The following GPATCH11 variants were observed in gnomAD, a reference collection of about 807,000 sequenced individuals.
GPATCH11 encodes the protein G patch domain-containing protein 11.
Under a neutral mutation model 44.8 loss-of-function variants are expected in GPATCH11, and 32 were observed. That is an observed-to-expected ratio of 0.71 (90% CI 0.54 to 0.96). GPATCH11 has a LOEUF of 0.96. GPATCH11 is among the 40% of genes least tolerant of loss of function. The pLI is 0.00. For synonymous variants in GPATCH11, 84 were observed against 94.4 expected (o/e 0.89, Z 0.64); for missense variants, 324 against 303.1 (o/e 1.07, Z -0.51).
Position 37,092,210 on chromosome 2 carries a change from T to A in GPATCH11, c.495T>A (p.Asp165Glu). 1 of 1,547,896 alleles carries A rather than the reference T, an allele frequency of 6.5e-7. No individual in the cohort carries two copies. Among genetic ancestry groups the A allele is most frequent in the South Asian group, 1.3e-5 (1 of 77,914 alleles). ...NKQDEMKLEG[D>E]LRRSQRACQQ... The stretch of plus-strand genomic sequence containing the variant: ...AAGATGAAATGAAGCTAGAAGGAGA[T>A]CTCAGAAGAAGCCAGCGAGCCTGTC... The change falls in exon 6 of 9, where the codon GAT becomes GAA. Residue 165 changes from aspartate to glutamate, a missense_variant. By Grantham distance (45) the Asp-to-Glu change is conservative. Transcript: ENST00000674370.
chr2:37,087,437 C>T (rs557854228), intron 1 of GPATCH11, among the ~76,000 whole-genome samples: 1 of 152,344 alleles, frequency 6.6e-6, no homozygotes, highest in South Asian at 2.1e-4. Flanking sequence ...CCTCAGGTTC[C>T]AGCCCCAGAA....
Position 37,092,232 on chromosome 2 carries a change from T to C in GPATCH11, c.517T>C (p.Cys173Arg). ...EGDLRRSQRA[C>R]QQLDVQKNIQ... is the part of the protein sequence containing the mutation. ...AGATCTCAGAAGAAGCCAGCGAGCCTGTCAACAACTGGATGTCCAGAAAGT... is the reference window on the plus strand; with the variant it reads ...AGATCTCAGAAGAAGCCAGCGAGCCCGTCAACAACTGGATGTCCAGAAAGT... The change falls in exon 6 of 9, where the codon TGT (cysteine) becomes CGT (arginine). Residue 173 changes from cysteine (C) to arginine (R), a missense_variant. Transcript: ENST00000674370. 1 of 1,510,732 alleles carries C rather than the reference T, an allele frequency of 6.6e-7. No homozygotes were observed. The highest frequency in any genetic ancestry group is 1.4e-5 in the South Asian group (1 of 70,644). The allele number at this position is 1,510,732 out of a possible 1,614,324, so 93.6% of individuals were successfully genotyped here. A position where few individuals can be genotyped will look rare whatever the true frequency, so the allele number is the denominator to read the frequency against.
At position 37,097,901 on chromosome 2, in the gene GPATCH11, A is replaced by G. The variant is rs998012972; in HGVS notation, c.*1638A>G. ...CCTACCTTGAGCCACTAATCTAGTT[A>G]ACTTCTGGGCCTCAGTTCTTCATCC... On this transcript the variant is annotated 3_prime_UTR_variant, in exon 9 of 9. Transcript: ENST00000674370. 1 of 152,246 alleles carries G rather than the reference A, an allele frequency of 6.6e-6. No homozygotes were observed. Among genetic ancestry groups the G allele is most frequent in the African/African-American group, 2.4e-5 (1 of 41,474 alleles). The allele number at this position is 152,246 out of a possible 1,614,324, so 9.4% of individuals were successfully genotyped here. A position where few individuals can be genotyped will look rare whatever the true frequency, so the allele number is the denominator to read the frequency against.
At position 37,096,230 on chromosome 2, in the gene GPATCH11, T is replaced by G. The variant is rs749141146; in HGVS notation, c.759T>G (p.Asn253Lys). The change falls in exon 9 of 9, where the codon AAT (asparagine) becomes AAG (lysine). Residue 253 changes from asparagine to lysine, a missense_variant. Asn to Lys is a moderately conservative substitution (Grantham distance 94). Coordinates refer to ENST00000674370, the MANE Select transcript of GPATCH11 (RefSeq NM_174931.4). Reference protein sequence around the residue: ...AYEDKEDLSSNCPGPTSADHD With the variant: ...AYEDKEDLSSKCPGPTSADHD ...CAGATAAAGAAGACCTATCTTCAAA[T>G]TGTCCAGGACCAACTTCTGCAGATC... 6.3e-7 allele frequency: 1 copy of G among 1,588,488 alleles called. No individual in the cohort carries two copies. Among genetic ancestry groups the G allele is most frequent in the Non-Finnish European group, 8.6e-7 (1 of 1,166,686 alleles).
intron 4 of GPATCH11, among the ~76,000 whole-genome samples, chr2:37,091,150 C>T (rs958740775): frequency 2.0e-5 from 3 of 152,128 alleles, no homozygotes; most frequent in Admixed American, 2.0e-4. Context: ...CATGGAGAAA[C>T]CCCATCTCTA....
At chr2:37,084,830 A>C (rs1331941956) in intron 1 of GPATCH11, among the ~76,000 whole-genome samples, 1 of 152,080 alleles carries the variant, frequency 6.6e-6, no homozygotes, top group Non-Finnish European at 1.5e-5. Context: ...TGGGACTCTC[A>C]ATATGTCTGT....
At chr2:37,086,270 G>GT (rs1169376015) in intron 1 of GPATCH11, among the ~76,000 whole-genome samples, 1 of 152,108 alleles carries the variant, frequency 6.6e-6, no homozygotes, top group Non-Finnish European at 1.5e-5. Context: ...CTGTACATTT[G>GT]TTTTATGTGT....
Position 37,098,196 on chromosome 2 carries a change from G to A in GPATCH11, c.*1933G>A, listed in dbSNP as rs182913324. 9.5e-3 allele frequency: 1,447 copies of A among 151,544 alleles called. 23 individuals carry two copies. Among genetic ancestry groups the A allele is most frequent in the African/African-American group, 0.033 (1,370 of 41,330 alleles). 9.4% of individuals were successfully genotyped at this position (151,544 alleles called of 1,614,324 possible). A position where few individuals can be genotyped will look rare whatever the true frequency, so the allele number is the denominator to read the frequency against. On this transcript the variant is annotated 3_prime_UTR_variant, in exon 9 of 9. Coordinates refer to ENST00000674370, the MANE Select transcript of GPATCH11 (RefSeq NM_174931.4). ...AAATTAGCTGGGCGTGGTGGCATTC[G>A]CCTGTAATCCCAGCTACTCAGAAGG...
At chr2:37,095,165 A>C (rs1171352518) in intron 7 of GPATCH11, among the ~76,000 whole-genome samples, 1 of 152,176 alleles carries the variant, frequency 6.6e-6, no homozygotes, top group Non-Finnish European at 1.5e-5. Context: ...AAAGCCTTTA[A>C]AGGATGCCAA....
intron 4 of GPATCH11, among the ~76,000 whole-genome samples, chr2:37,090,945 A>C (rs13425846): frequency 0.061 from 9,250 of 152,304 alleles, 333 homozygotes; most frequent in Non-Finnish European, 0.085. Context: ...AATCATTACA[A>C]CCATTGAATG....
intron 6 of GPATCH11, 108 bp from the exon 7 acceptor site, chr2:37,093,974 C>T: frequency 1.3e-6 from 1 of 751,536 alleles, no homozygotes. Flanking sequence ...ACTCTTAAAG[C>T]CACACTCAGT....
chr2:37,084,587 G>A lies in GPATCH11; in HGVS notation c.-14+17G>A. 1 of 1,232,272 alleles carries A rather than the reference G, an allele frequency of 8.1e-7. No individual in the cohort carries two copies. Among genetic ancestry groups the A allele is most frequent in the Non-Finnish European group, 1.0e-6 (1 of 988,018 alleles). The allele number at this position is 1,232,272 out of a possible 1,614,324, so 76.3% of individuals were successfully genotyped here. On this transcript the variant is annotated intron_variant, in intron 1 of 8. Transcript: ENST00000674370. Reference sequence around the variant, plus strand: ...AGCTGTCAGGTAAGAGAGCTGTCAGGTAAGGGTCTGGGGACAACCGGTAGA... The same window carrying A: ...AGCTGTCAGGTAAGAGAGCTGTCAGATAAGGGTCTGGGGACAACCGGTAGA...
intron 6 of GPATCH11, among the ~76,000 whole-genome samples, chr2:37,092,684 A>G (rs1673393540): frequency 6.6e-6 from 1 of 151,548 alleles, no homozygotes; most frequent in Non-Finnish European, 1.5e-5. Flanking sequence ...TATACTAACT[A>G]TAGTAAAACA....
chr2:37,095,374 A>G, intron 7 of GPATCH11, 63 bp from the exon 8 acceptor site: 15 of 1,536,466 alleles, frequency 9.8e-6, no homozygotes, highest in Non-Finnish European at 1.3e-5. Context: ...GGCACGATCT[A>G]AGAGCCAGAA....
chr2:37,096,545 C>A lies in GPATCH11; in HGVS notation c.*282C>A, dbSNP rs2148651335. ...GACACCAACAGGTAACTTCTTATTC[C>A]CCTCTTCACTTTGGAACAAATTGAG... On this transcript the variant is annotated 3_prime_UTR_variant, in exon 9 of 9. Transcript: ENST00000674370. The A allele has an allele frequency of 6.6e-6, 2 of 302,728 alleles. No homozygotes were observed. The highest frequency in any genetic ancestry group is 2.2e-5 in the African/African-American group (1 of 45,068). The allele number at this position is 302,728 out of a possible 1,614,324, so 18.8% of individuals were successfully genotyped here.
intron 1 of GPATCH11, among the ~76,000 whole-genome samples, chr2:37,087,395 A>T (rs189723138): frequency 2.0e-5 from 3 of 152,218 alleles, no homozygotes; most frequent in Non-Finnish European, 4.4e-5. Context: ...AGCAACATTG[A>T]CATTGCCTGT....
chr2:37,092,782 TATA>T (rs543053613), intron 6 of GPATCH11, among the ~76,000 whole-genome samples: 310 of 152,276 alleles, frequency 2.0e-3, no homozygotes, highest in Non-Finnish European at 2.8e-3. Flanking sequence ...TTCTGTTCTT[TATA>T]ATATTTGATT....
chr2:37,093,974 C>A, intron 6 of GPATCH11, 108 bp from the exon 7 acceptor site: 1 of 751,534 alleles, frequency 1.3e-6, no homozygotes, highest in Admixed American at 2.1e-5. Context: ...ACTCTTAAAG[C>A]CACACTCAGT....
intron 1 of GPATCH11, among the ~76,000 whole-genome samples, chr2:37,085,431 AC>A (rs1233865089): frequency 6.6e-6 from 1 of 152,244 alleles, no homozygotes; most frequent in Non-Finnish European, 1.5e-5. Context: ...TGCTGTTATT[AC>A]CAATGAAGAA....
Sources: allele counts gnomAD v4.1 joint callset (sites outside exome capture counted in the v4.1 genomes callset), GRCh38; gene constraint gnomAD v4.1.1; transcripts MANE v1.5; gene names NCBI Gene and HGNC (gene_info 2026-07-23, HGNC 2026-07-21).